Variants in PCDHA10 observed in about 807,000 individuals in gnomAD.
PCDHA10 encodes protocadherin alpha 10.
A neutral mutation model predicts 61.2 loss-of-function variants in PCDHA10; 45 were observed. The observed-to-expected ratio is 0.74, with a 90% CI of 0.58 to 0.94. PCDHA10 has a LOEUF of 0.94. PCDHA10 is among the 40% of genes least tolerant of loss of function. The probability of loss-of-function intolerance (pLI) is 0.00; values close to 1 mark genes in which losing one functional copy is unlikely to be tolerated. For synonymous variants in PCDHA10, 602 were observed against 548.8 expected (o/e 1.10, Z -1.35); for missense variants, 1,278 against 1,236.2 (o/e 1.03, Z -0.51).
At chr5:140,979,055 T>A (rs2096833782) in intron 2 of PCDHA10, 48 bp downstream of exon 2, 1 of 1,607,848 alleles carries the variant, frequency 6.2e-7, no homozygotes, top group Non-Finnish European at 8.5e-7. Flanking sequence ...TAACTTGGTA[T>A]GGCTCAGATA....
At chr5:140,984,576 C>G (rs1309554018) in intron 3 of PCDHA10, among the ~76,000 whole-genome samples, 1 of 152,104 alleles carries the variant, frequency 6.6e-6, no homozygotes, top group African/African-American at 2.4e-5. Context: ...CCATGGCAAC[C>G]TAATCATACT....
At chr5:140,998,977 ATAG>A (rs2097842205) in intron 3 of PCDHA10, among the ~76,000 whole-genome samples, 1 of 152,242 alleles carries the variant, frequency 6.6e-6, no homozygotes, top group African/African-American at 2.4e-5. Flanking sequence ...ATCCTAGAAA[ATAG>A]TAGAAAGCAG....
intron 1 of PCDHA10, among the ~76,000 whole-genome samples, chr5:140,926,099 T>C (rs1364046229): frequency 6.6e-6 from 1 of 152,162 alleles, no homozygotes; most frequent in Non-Finnish European, 1.5e-5. Context: ...GCTCCTGGGA[T>C]ACAAGAGGGT....
At chr5:140,935,520 G>A (rs1404556030) in intron 1 of PCDHA10, among the ~76,000 whole-genome samples, 1 of 152,154 alleles carries the variant, frequency 6.6e-6, no homozygotes, top group Non-Finnish European at 1.5e-5. Context: ...CAGTAGGCAT[G>A]TACAGTCAAA....
chr5:140,972,832 T>G (rs1209140344), intron 1 of PCDHA10, among the ~76,000 whole-genome samples: 9 of 151,882 alleles, frequency 5.9e-5, no homozygotes. Flanking sequence ...CCTGGCTAAT[T>G]TTTGTATTTT....
chr5:141,009,539 C>T, intron 3 of PCDHA10, 88 bp from the exon 4 acceptor site: 1 of 1,522,752 alleles, frequency 6.6e-7, no homozygotes, highest in Non-Finnish European at 8.8e-7. Flanking sequence ...TTCAGCCTGC[C>T]TATGCAGTAC....
chr5:140,875,386 C>G, intron 1 of PCDHA10: 1 of 1,465,972 alleles, frequency 6.8e-7, no homozygotes, highest in Non-Finnish European at 9.0e-7. Flanking sequence ...TATGTACTTA[C>G]AGAAAAGGGT....
intron 1 of PCDHA10, among the ~76,000 whole-genome samples, chr5:140,932,112 T>C (rs1211067626): frequency 6.6e-6 from 1 of 151,944 alleles, no homozygotes; most frequent in African/African-American, 2.4e-5. Flanking sequence ...GTATTTCCAA[T>C]TGATAATATT....
At chr5:140,876,568 G>C (rs1302204057) in intron 1 of PCDHA10, 2 of 1,614,046 alleles carry the variant, frequency 1.2e-6, no homozygotes, top group African/African-American at 1.3e-5. Context: ...TGCTCAGGTG[G>C]GTACCGTCAT....
intron 1 of PCDHA10, among the ~76,000 whole-genome samples, chr5:140,947,317 G>A (rs1456422381): frequency 2.0e-5 from 3 of 151,480 alleles, no homozygotes; most frequent in Non-Finnish European, 4.4e-5. Flanking sequence ...TAAAAAGTCG[G>A]TTGACCATAA....
Position 140,857,722 on chromosome 5 carries a change from C to T in PCDHA10, c.1674C>T (p.Asn558=), listed in dbSNP as rs371525843. The stretch of plus-strand genomic sequence containing the variant: ...TGCAGGTGTTCGTGCTGGACGAGAA[C>T]GACAACGCTCCCGCGCTGCTGGCGT... ...LTLQVFVLDE[N]DNAPALLASP... is the part of the protein sequence containing the mutation. Residue 558 remains asparagine, a synonymous_variant, in exon 1 of 4, where the codon AAC becomes AAT. Coordinates refer to ENST00000307360, the MANE Select transcript of PCDHA10 (RefSeq NM_018901.4). 4.4e-6 allele frequency: 7 copies of T among 1,597,318 alleles called. No individual in the cohort carries two copies. The highest frequency in any genetic ancestry group is 2.7e-5 in the African/African-American group (2 of 74,264).
chr5:140,953,050 A>C (rs1169479924), intron 1 of PCDHA10, among the ~76,000 whole-genome samples: 1 of 152,122 alleles, frequency 6.6e-6, no homozygotes, highest in African/African-American at 2.4e-5. Flanking sequence ...TGATCCAATC[A>C]CCTCTCACAG....
At position 140,924,017 on chromosome 5, in the gene PCDHA10, T is replaced by C. The variant is rs2081624736; in HGVS notation, c.2389-54932T>C. Among the ~76,000 whole-genome samples, 3 of 152,218 alleles carry C rather than the reference T, an allele frequency of 2.0e-5. No individual in the cohort carries two copies. In the South Asian group the frequency reaches 6.2e-4, roughly 32 times the overall value. On this transcript the variant is annotated intron_variant, in intron 1 of 3. Transcript: ENST00000307360. ...CTCAGAATTCCTAAACCTGGTATAA[T>C]TGGAGGCATGGCTGCAGACCTAAAA...
In PCDHA10 at chr5:140,871,203, C is replaced by A. The variant is rs369236762; in HGVS notation, c.2388+12767C>A. On this transcript the variant is annotated intron_variant, in intron 1 of 3. Transcript: ENST00000307360. ...TGGTGGATGTCAACGTGTACCTGAT[C>A]ATCGCCATCTGCGTGGTGTCCAGCC... The A allele has an allele frequency of 6.3e-5, 101 of 1,613,744 alleles. No homozygotes were observed. The African/African-American group carries it at 1.3e-3, about 21-fold the overall frequency.
At chr5:140,941,150 G>T (rs894422349) in intron 1 of PCDHA10, among the ~76,000 whole-genome samples, 1 of 151,436 alleles carries the variant, frequency 6.6e-6, no homozygotes, top group Non-Finnish European at 1.5e-5. Context: ...TAGTTTGGAG[G>T]CCCCATAAGA....
Position 140,979,003 on chromosome 5 carries a change from C to G in PCDHA10, c.2443C>G (p.His815Asp). ...RYSASLRAGM[H>D]SSVHLEEAGI... Reference sequence around the variant, plus strand: ...CTCTGCCTCCCTGAGAGCAGGCATGCACAGGTATGTATTTCCCTCCTCATT... The same window carrying G: ...CTCTGCCTCCCTGAGAGCAGGCATGGACAGGTATGTATTTCCCTCCTCATT... The change falls in exon 2 of 4, where the codon CAC becomes GAC. Residue 815 changes from histidine (H) to aspartate (D), a missense_variant. By Grantham distance (81) the His-to-Asp change is moderately conservative. Transcript: ENST00000307360. 1.2e-6 allele frequency: 2 copies of G among 1,614,144 alleles called. No homozygotes were observed. The highest frequency in any genetic ancestry group is 1.7e-6 in the Non-Finnish European group (2 of 1,180,022).
intron 1 of PCDHA10, among the ~76,000 whole-genome samples, chr5:140,946,707 A>C (rs2094013917): frequency 6.7e-6 from 1 of 150,204 alleles, no homozygotes; most frequent in East Asian, 1.9e-4. Context: ...TCTGGAGGTC[A>C]TTATGTTTAG....
At chr5:140,915,533 G>C (rs1200323853) in intron 1 of PCDHA10, among the ~76,000 whole-genome samples, 1 of 152,018 alleles carries the variant, frequency 6.6e-6, no homozygotes, top group Non-Finnish European at 1.5e-5. Flanking sequence ...GTACCATCTT[G>C]GAGGTCTTGA....
chr5:140,949,263 C>T (rs1210516513), intron 1 of PCDHA10, among the ~76,000 whole-genome samples: 3 of 151,832 alleles, frequency 2.0e-5, no homozygotes, highest in South Asian at 4.1e-4. Flanking sequence ...GAACATATCA[C>T]GTGCACTTGA....
Sources: gnomAD v4.1 joint callset for allele counts (sites outside exome capture counted in the v4.1 genomes callset) on GRCh38, gnomAD v4.1.1 for gene constraint, MANE v1.5 for transcripts, NCBI Gene and HGNC (gene_info 2026-07-23, HGNC 2026-07-21) for gene names.